The following EPHA4 variants were observed in gnomAD, a reference collection of about 807,000 sequenced individuals.
EPHA4 encodes ephrin type-A receptor 4.
In EPHA4, 19 loss-of-function variants were observed where a neutral mutation model predicts 108.3. The observed-to-expected ratio is 0.18, with a 90% CI of 0.12 to 0.26. The LOEUF is 0.26. Among genes scored for constraint, EPHA4 ranks in the 10% least tolerant of loss-of-function variants. The pLI, the probability that EPHA4 is intolerant of heterozygous loss-of-function variation, is 1.00. For synonymous variants in EPHA4, 449 were observed against 455.5 expected (o/e 0.99, Z 0.18); for missense variants, 917 against 1,254.0 (o/e 0.73, Z 4.06).
chr2:221,514,925 T>A (rs2106168468), intron 3 of EPHA4, among the ~76,000 whole-genome samples: 1 of 152,274 alleles, frequency 6.6e-6, no homozygotes, highest in Non-Finnish European at 1.5e-5. Flanking sequence ...TCAGGCTTAT[T>A]ATCAAATACA....
At chr2:221,448,640 G>A (rs982570694) in intron 8 of EPHA4, among the ~76,000 whole-genome samples, 1 of 152,096 alleles carries the variant, frequency 6.6e-6, no homozygotes, top group Admixed American at 6.6e-5. Flanking sequence ...AAATGCCATC[G>A]ATTGGTCCCA....
rs565291106 is a variant in EPHA4, at chr2:221,568,506, C to A, written c.159+212G>T. On this transcript the variant is annotated intron_variant, in intron 2 of 17. Transcript: ENST00000281821. ...CCACCAGTCTCCTAATTTTGAAACC[C>A]CTTTCTGCCCTTTTGGTTTCTAGTT... Among the ~76,000 whole-genome samples the A allele has an allele frequency of 9.2e-5, 14 of 152,088 alleles. 1 individual carries two copies. The South Asian group carries it at 2.7e-3, about 29-fold the overall frequency.
intron 5 of EPHA4, among the ~76,000 whole-genome samples, chr2:221,473,583 A>G (rs184720559): frequency 2.6e-5 from 4 of 151,376 alleles, no homozygotes; most frequent in Admixed American, 2.0e-4. Context: ...AACTATTTAA[A>G]GACATCAGCA....
At chr2:221,430,889 T>G (rs1690056264) in intron 14 of EPHA4, among the ~76,000 whole-genome samples, 1 of 152,188 alleles carries the variant, frequency 6.6e-6, no homozygotes, top group Non-Finnish European at 1.5e-5. Context: ...GTTATAATGG[T>G]ACATGATAAT....
At chr2:221,449,125 C>T (rs960139305) in intron 8 of EPHA4, among the ~76,000 whole-genome samples, 6 of 151,458 alleles carry the variant, frequency 4.0e-5, no homozygotes, top group Non-Finnish European at 7.4e-5. Flanking sequence ...CAGGAAATGG[C>T]TGAAAAAAAA....
At chr2:221,472,211 T>C (rs1188797596) in intron 5 of EPHA4, among the ~76,000 whole-genome samples, 1 of 151,802 alleles carries the variant, frequency 6.6e-6, no homozygotes, top group African/African-American at 2.4e-5. Context: ...CTTGTTTATA[T>C]GTGTGGTCCT....
intron 3 of EPHA4, among the ~76,000 whole-genome samples, chr2:221,509,504 T>G (rs768820571): frequency 1.3e-5 from 2 of 152,254 alleles, no homozygotes; most frequent in African/African-American, 2.4e-5. Flanking sequence ...TCAGAAAAGA[T>G]GTACTGAGTT....
intron 4 of EPHA4, among the ~76,000 whole-genome samples, chr2:221,487,408 G>T: frequency 6.6e-6 from 1 of 152,144 alleles, no homozygotes; most frequent in Non-Finnish European, 1.5e-5. Flanking sequence ...ATCAAATAAG[G>T]TTTTATCAAA....
At position 221,563,812 on chromosome 2, in the gene EPHA4, C is replaced by T; in HGVS notation, c.742G>A (p.Gly248Arg). 1 of 1,614,242 alleles carries T rather than the reference C, an allele frequency of 6.2e-7. No individual in the cohort carries two copies. Among genetic ancestry groups the T allele is most frequent in the South Asian group, 1.1e-5 (1 of 91,082 alleles). The change falls in exon 3 of 18, where the codon GGG (glycine) becomes AGG (arginine). Residue 248 changes from glycine to arginine, a missense_variant. By Grantham distance (125) the Gly-to-Arg change is moderately radical. Transcript: ENST00000281821. ...EEKDVPKMYCGADGEWLVPIG... is the reference protein window; with the variant it reads ...EEKDVPKMYCRADGEWLVPIG... Reference sequence around the variant, plus strand: ...GGTACCAGCCATTCACCATCTGCCCCACAGTACATTTTTGGCACATCTTTC... The same window carrying T: ...GGTACCAGCCATTCACCATCTGCCCTACAGTACATTTTTGGCACATCTTTC...
chr2:221,565,756 A>G (rs767674006), intron 2 of EPHA4, among the ~76,000 whole-genome samples: 2 of 152,202 alleles, frequency 1.3e-5, no homozygotes, highest in Non-Finnish European at 2.9e-5. Context: ...TTATCCAGTA[A>G]GCAATAAAAT....
At chr2:221,568,880 C>T (rs1221500832) in intron 1 of EPHA4, 95 bp from the exon 2 acceptor site, 40 of 975,876 alleles carry the variant, frequency 4.1e-5, no homozygotes, top group Non-Finnish European at 6.0e-5. Flanking sequence ...TGTGCTGAGG[C>T]TGTGCATATC....
chr2:221,443,104 G>C (rs140157758), intron 10 of EPHA4, 90 bp from the exon 11 acceptor site: 1 of 1,362,912 alleles, frequency 7.3e-7, no homozygotes, highest in African/African-American at 1.4e-5. Flanking sequence ...CTTGTTACAC[G>C]CCAGGCTGTT....
At chr2:221,487,739 A>C (rs184299872) in intron 4 of EPHA4, among the ~76,000 whole-genome samples, 1 of 152,322 alleles carries the variant, frequency 6.6e-6, no homozygotes, top group African/African-American at 2.4e-5. Flanking sequence ...GGTGTATTTA[A>C]GGGAACATAA....
chr2:221,525,613 T>A (rs998661207), intron 3 of EPHA4, among the ~76,000 whole-genome samples: 11 of 152,148 alleles, frequency 7.2e-5, no homozygotes, highest in African/African-American at 2.4e-4. Flanking sequence ...GGCTCTTAAC[T>A]CTCAGCTGTG....
intron 3 of EPHA4, among the ~76,000 whole-genome samples, chr2:221,529,502 A>G (rs914910835): frequency 2.0e-5 from 3 of 152,176 alleles, no homozygotes; most frequent in Non-Finnish European, 4.4e-5. Flanking sequence ...CAAGGTTACA[A>G]ATCTGTTGCA....
At chr2:221,463,678 T>C (rs927608063) in intron 5 of EPHA4, among the ~76,000 whole-genome samples, 1 of 152,230 alleles carries the variant, frequency 6.6e-6, no homozygotes, top group African/African-American at 2.4e-5. Flanking sequence ...TGCTCCCCAC[T>C]GACGTGAATG....
At chr2:221,560,663 G>A (rs534266607) in intron 3 of EPHA4, among the ~76,000 whole-genome samples, 1 of 152,152 alleles carries the variant, frequency 6.6e-6, no homozygotes, top group Admixed American at 6.5e-5. Flanking sequence ...CATGATCTCT[G>A]AGGTGACTTT....
chr2:221,449,217 G>T (rs762654958), intron 8 of EPHA4, among the ~76,000 whole-genome samples: 1 of 152,204 alleles, frequency 6.6e-6, no homozygotes, highest in African/African-American at 2.4e-5. Context: ...CCTGTGTCCT[G>T]TTCTACCTTT....
chr2:221,548,009 A>C (rs1337297432), intron 3 of EPHA4, among the ~76,000 whole-genome samples: 1 of 152,096 alleles, frequency 6.6e-6, no homozygotes, highest in Non-Finnish European at 1.5e-5. Context: ...TTATTGAGTG[A>C]TATAGTTTGG....
Sources: gnomAD v4.1 joint callset for allele counts (sites outside exome capture counted in the v4.1 genomes callset) on GRCh38, gnomAD v4.1.1 for gene constraint, MANE v1.5 for transcripts, NCBI Gene and HGNC (gene_info 2026-07-23, HGNC 2026-07-21) for gene names.